RHBDL2: variants seen among roughly 807,000 people sequenced by gnomAD.
RHBDL2 encodes the protein rhomboid-related protein 2.
Under a neutral mutation model 31.7 loss-of-function variants are expected in RHBDL2, and 26 were observed. The ratio of observed to expected loss-of-function variants is 0.82; its 90% CI spans 0.60 to 1.14. RHBDL2 has a LOEUF of 1.14. Ranked by LOEUF, RHBDL2 falls within the 50% of genes most tolerant of loss-of-function variation. RHBDL2 has a pLI of 0.00. For missense variants in RHBDL2, 336 were observed against 364.4 expected (o/e 0.92, Z 0.63); for synonymous variants, 123 against 127.2 (o/e 0.97, Z 0.22).
intron 4 of RHBDL2, among the ~76,000 whole-genome samples, chr1:38,903,428 C>G (rs1327561605): frequency 6.6e-6 from 1 of 152,162 alleles, no homozygotes; most frequent in Non-Finnish European, 1.5e-5. Context: ...GCATGAGCTA[C>G]CACCCCCGGC....
At chr1:38,907,158 A>G (rs1643076754) in intron 4 of RHBDL2, among the ~76,000 whole-genome samples, 1 of 152,204 alleles carries the variant, frequency 6.6e-6, no homozygotes, top group Non-Finnish European at 1.5e-5. Context: ...AAGGAGGAAA[A>G]ATTCCTTTCA....
chr1:38,898,657 C>T (rs1642948523), intron 4 of RHBDL2, among the ~76,000 whole-genome samples: 1 of 152,108 alleles, frequency 6.6e-6, no homozygotes, highest in African/African-American at 2.4e-5. Context: ...GAAGCAGGAA[C>T]CCAGGCAGAT....
chr1:38,901,917 T>C (rs1389444118), intron 4 of RHBDL2, among the ~76,000 whole-genome samples: 2 of 151,634 alleles, frequency 1.3e-5, no homozygotes, highest in South Asian at 2.1e-4. Context: ...AATGCATTAT[T>C]ATAATCAGAG....
At chr1:38,901,372 G>A (rs1223289445) in intron 4 of RHBDL2, among the ~76,000 whole-genome samples, 4 of 149,876 alleles carry the variant, frequency 2.7e-5, no homozygotes, top group African/African-American at 7.4e-5. Context: ...CGAGACAGGA[G>A]AATTGCTTGA....
At chr1:38,905,340 T>C (rs1643049447) in intron 4 of RHBDL2, among the ~76,000 whole-genome samples, 1 of 151,956 alleles carries the variant, frequency 6.6e-6, no homozygotes, top group East Asian at 2.0e-4. Context: ...GCTGGGATTA[T>C]AGGCATGAGC....
chr1:38,927,367 C>T lies in RHBDL2; in HGVS notation c.-125-8030G>A, dbSNP rs187629775. ...GCATGAACCTGGGAGGCGGAGGTTG[C>T]GGTGAGCCGAGATCGCGCCACTGCA... is the stretch of plus-strand genomic sequence containing the variant. On this transcript the variant is annotated intron_variant, in intron 1 of 7. Transcript: ENST00000372990. Among the ~76,000 whole-genome samples the T allele has an allele frequency of 4.9e-3, 744 of 152,126 alleles. 3 individuals carry two copies. Among genetic ancestry groups the T allele is most frequent in the Non-Finnish European group, 6.8e-3 (465 of 67,976 alleles).
intron 6 of RHBDL2, among the ~76,000 whole-genome samples, chr1:38,890,798 C>G (rs983404026): frequency 2.0e-5 from 3 of 151,658 alleles, no homozygotes; most frequent in South Asian, 4.2e-4. Flanking sequence ...CTCCCAGGCT[C>G]AAGCGAATTC....
At chr1:38,886,724 A>C in intron 7 of RHBDL2, 41 bp from the exon 8 acceptor site, 1 of 1,442,824 alleles carries the variant, frequency 6.9e-7, no homozygotes, top group Non-Finnish European at 9.3e-7. Context: ...AGTGAAGACA[A>C]TGCTAATTGT....
chr1:38,915,735 A>G (rs2124333067), intron 2 of RHBDL2, 25 bp from the exon 3 acceptor site: 9 of 1,613,570 alleles, frequency 5.6e-6, no homozygotes, highest in Non-Finnish European at 6.8e-6. Flanking sequence ...AGACATGAGT[A>G]TTAACCACAC....
rs772001408 is a variant in RHBDL2 at position 38,887,969 on chromosome 1, C to A, written c.726G>T (p.Gly242=). 1 of 1,608,086 alleles carries A rather than the reference C, an allele frequency of 6.2e-7. No individual in the cohort carries two copies. The highest frequency in any genetic ancestry group is 1.7e-5 in the Admixed American group (1 of 59,916). The part of the protein sequence containing the change: ...LYRRFFVPED[G]SPVSFAAHIA... ...AGAAAGAAACTGAACTCACCGGAGA[C>A]CCATCTTCAGGAACAAAGAACCTTC... is the stretch of plus-strand genomic sequence containing the variant. Residue 242 remains glycine, a synonymous_variant, in exon 7 of 8, where the codon GGG becomes GGT. Transcript: ENST00000372990.
chr1:38,934,979 A>T (rs1643479469), intron 1 of RHBDL2, among the ~76,000 whole-genome samples: 1 of 151,468 alleles, frequency 6.6e-6, no homozygotes, highest in South Asian at 2.1e-4. Flanking sequence ...AAATTTTTTT[A>T]AAGAAGCTCT....
chr1:38,930,384 G>A (rs1019665438), intron 1 of RHBDL2, among the ~76,000 whole-genome samples: 1 of 152,116 alleles, frequency 6.6e-6, no homozygotes, highest in Non-Finnish European at 1.5e-5. Flanking sequence ...ACATACCTAG[G>A]TACAGCAAAG....
chr1:38,933,355 C>T (rs541508397), intron 1 of RHBDL2, among the ~76,000 whole-genome samples: 4 of 152,314 alleles, frequency 2.6e-5, no homozygotes, highest in Admixed American at 2.6e-4. Flanking sequence ...CCCATGCCTT[C>T]CCGCACCCCT....
chr1:38,904,657 G>C (rs1302927828), intron 4 of RHBDL2, among the ~76,000 whole-genome samples: 1 of 149,566 alleles, frequency 6.7e-6, no homozygotes, highest in Admixed American at 6.7e-5. Context: ...GCAAAACACT[G>C]TCTCTACAGA....
chr1:38,927,684 C>T (rs1643393353), intron 1 of RHBDL2, among the ~76,000 whole-genome samples: 1 of 152,174 alleles, frequency 6.6e-6, no homozygotes, highest in African/African-American at 2.4e-5. Flanking sequence ...TAAAACAGAG[C>T]TCACCTCTGC....
rs1453556691 is a variant in RHBDL2, at chr1:38,896,040, G to A, written c.538C>T (p.Leu180Phe). 1 of 1,613,850 alleles carries A rather than the reference G, an allele frequency of 6.2e-7. No homozygotes were observed. Among genetic ancestry groups the A allele is most frequent in the Non-Finnish European group, 8.5e-7 (1 of 1,179,820 alleles). Residue 180 changes from leucine (L) to phenylalanine (F), a missense_variant, in exon 5 of 8, where the codon CTC becomes TTC. Leu to Phe is a conservative substitution (Grantham distance 22). Transcript: ENST00000372990. ...GSLASSIFDP[L>F]RYLVGASGGV... ...CCTGAAGCTCCCACAAGATATCTGA[G>A]TGGGTCAAAGATGGAGCTGGCAAGG...
chr1:38,926,216 G>A, intron 1 of RHBDL2: 2 of 1,107,676 alleles, frequency 1.8e-6, no homozygotes, highest in Non-Finnish European at 2.2e-6. Flanking sequence ...ATTCTTTACA[G>A]TGGTTGCAGC....
At chr1:38,925,965 G>A (rs1401068102) in intron 1 of RHBDL2, 6 of 1,270,684 alleles carry the variant, frequency 4.7e-6, no homozygotes, top group Non-Finnish European at 6.2e-6. Context: ...AAAATTGCAA[G>A]TGTTGAATCT....
intron 4 of RHBDL2, among the ~76,000 whole-genome samples, chr1:38,901,467 A>C (rs958172186): frequency 1.3e-5 from 2 of 151,590 alleles, no homozygotes; most frequent in Non-Finnish European, 2.9e-5. Context: ...GTCTCAAAAA[A>C]AAAAAAAAGA....
Sources: gnomAD v4.1 joint callset for allele counts (sites outside exome capture counted in the v4.1 genomes callset) on GRCh38, gnomAD v4.1.1 for gene constraint, MANE v1.5 for transcripts, NCBI Gene and HGNC (gene_info 2026-07-23, HGNC 2026-07-21) for gene names.